The following STPG2 variants were observed in gnomAD, a reference collection of about 807,000 sequenced individuals.
STPG2 encodes the protein sperm-tail PG-rich repeat-containing protein 2.
A neutral mutation model predicts 54.2 loss-of-function variants in STPG2; 56 were observed. The ratio of observed to expected loss-of-function variants is 1.03; its 90% CI spans 0.83 to 1.29. The LOEUF (loss-of-function observed/expected upper bound fraction) is 1.29. Ranked by LOEUF, STPG2 falls within the 50% of genes most tolerant of loss-of-function variation. The pLI is 0.00. For synonymous variants in STPG2, 200 were observed against 181.8 expected (o/e 1.10, Z -0.81); for missense variants, 596 against 544.9 (o/e 1.09, Z -0.93).
intron 7 of STPG2, among the ~76,000 whole-genome samples, chr4:97,964,999 G>T: frequency 6.6e-6 from 1 of 152,172 alleles, no homozygotes; most frequent in East Asian, 1.9e-4. Flanking sequence ...TGGACAGTGG[G>T]TGCAGCCCAC....
chr4:97,926,915 A>C (rs1270667672), intron 8 of STPG2, among the ~76,000 whole-genome samples: 4 of 152,084 alleles, frequency 2.6e-5, no homozygotes, highest in Admixed American at 1.3e-4. Flanking sequence ...AGCCTACTAT[A>C]GGCAACACAG....
At chr4:97,598,324 T>C (rs912026181) in intron 10 of STPG2, among the ~76,000 whole-genome samples, 5 of 152,120 alleles carry the variant, frequency 3.3e-5, no homozygotes, top group Non-Finnish European at 7.4e-5. Context: ...AAGCAGTTTA[T>C]AGATTCAACA....
At chr4:97,674,537 C>T (rs1722784236) in intron 10 of STPG2, among the ~76,000 whole-genome samples, 1 of 152,050 alleles carries the variant, frequency 6.6e-6, no homozygotes, top group South Asian at 2.1e-4. Flanking sequence ...CACTGTTAAA[C>T]AGAACAGCAT....
chr4:97,662,995 T>A (rs1211479146), intron 10 of STPG2, among the ~76,000 whole-genome samples: 1 of 151,966 alleles, frequency 6.6e-6, no homozygotes, highest in Non-Finnish European at 1.5e-5. Context: ...TGAAGAAAAA[T>A]TTATCTTTTA....
chr4:97,563,767 C>G (rs570022919), intron 10 of STPG2, among the ~76,000 whole-genome samples: 1 of 152,248 alleles, frequency 6.6e-6, no homozygotes, highest in African/African-American at 2.4e-5. Context: ...GTTTCTTAAT[C>G]CTGAGTTCTG....
chr4:97,909,844 G>C (rs908269189), intron 8 of STPG2, among the ~76,000 whole-genome samples: 2 of 152,018 alleles, frequency 1.3e-5, no homozygotes, highest in Admixed American at 1.3e-4. Flanking sequence ...ACAGTATAGT[G>C]AATTATTAAA....
chr4:97,543,651 G>C (rs1210183507), intron 4 of STPG2, among the ~76,000 whole-genome samples: 1 of 151,992 alleles, frequency 6.6e-6, no homozygotes, highest in East Asian at 1.9e-4. Flanking sequence ...AGATTTATGT[G>C]ATAATCAAAA....
chr4:97,974,701 G>A (rs1340976745), intron 6 of STPG2, among the ~76,000 whole-genome samples: 1 of 152,170 alleles, frequency 6.6e-6, no homozygotes, highest in Non-Finnish European at 1.5e-5. Context: ...GCTGCCATGT[G>A]AGATGTGCCT....
intron 9 of STPG2, among the ~76,000 whole-genome samples, chr4:97,750,690 A>G (rs1453939830): frequency 6.6e-6 from 1 of 151,766 alleles, no homozygotes; most frequent in Non-Finnish European, 1.5e-5. Flanking sequence ...ACTTCAGAAC[A>G]ATATTTTAGG....
chr4:97,845,658 G>A (rs1228331325), intron 8 of STPG2, among the ~76,000 whole-genome samples: 32 of 152,230 alleles, frequency 2.1e-4, no homozygotes, highest in Admixed American at 2.1e-3. Context: ...CTACACCAAT[G>A]AGTAAGTCTT....
intron 8 of STPG2, among the ~76,000 whole-genome samples, chr4:97,841,949 C>T (rs1338637591): frequency 6.6e-6 from 1 of 151,710 alleles, no homozygotes. Context: ...AATTTCAATG[C>T]AAAAACAAAG....
intron 9 of STPG2, among the ~76,000 whole-genome samples, chr4:97,820,401 C>T (rs746939385): frequency 1.3e-5 from 2 of 149,850 alleles, no homozygotes; most frequent in Non-Finnish European, 3.0e-5. Context: ...GGGTCTCTCA[C>T]TTTAAATTAA....
chr4:97,958,130 T>C (rs1733750157), intron 7 of STPG2, among the ~76,000 whole-genome samples: 1 of 151,940 alleles, frequency 6.6e-6, no homozygotes, highest in South Asian at 2.1e-4. Context: ...GCCAACATGG[T>C]AAAACCCTGT....
At position 97,899,071 on chromosome 4, in the gene STPG2, C is replaced by G. The variant is rs1731068608; in HGVS notation, c.1044+44826G>C. Among the ~76,000 whole-genome samples, 3 of 151,694 alleles carry G rather than the reference C, an allele frequency of 2.0e-5. No homozygotes were observed. In the South Asian group the frequency reaches 6.2e-4, roughly 31 times the overall value. On this transcript the variant is annotated intron_variant, in intron 8 of 10. Transcript: ENST00000295268. ...ATTACATGATTCTGGATCTAGAAAACCCCATAATCTCAGCCCAAAAGCTCC... is the reference window on the plus strand; with the variant it reads ...ATTACATGATTCTGGATCTAGAAAAGCCCATAATCTCAGCCCAAAAGCTCC...
intron 4 of STPG2, among the ~76,000 whole-genome samples, chr4:97,513,534 C>T (rs1731015302): frequency 1.3e-5 from 2 of 152,226 alleles, no homozygotes; most frequent in Admixed American, 6.5e-5. Flanking sequence ...ATCTCATTCA[C>T]ATACAGAAGA....
chr4:97,910,527 A>G (rs556837152), intron 8 of STPG2, among the ~76,000 whole-genome samples: 2 of 152,222 alleles, frequency 1.3e-5, no homozygotes, highest in African/African-American at 4.8e-5. Flanking sequence ...TTAAGCACCA[A>G]ATTGACATCT....
intron 5 of STPG2, chr4:98,025,702 C>T (rs1349105409): frequency 7.4e-7 from 1 of 1,344,856 alleles, no homozygotes; most frequent in Non-Finnish European, 1.1e-6. Context: ...TCCTGCTGGC[C>T]TGCAGGCTAC....
chr4:97,798,207 T>A (rs185725889), intron 9 of STPG2, among the ~76,000 whole-genome samples: 1 of 152,366 alleles, frequency 6.6e-6, no homozygotes, highest in Admixed American at 6.5e-5. Context: ...ATCTTAGTTA[T>A]TTCTTGCCTT....
intron 4 of STPG2, among the ~76,000 whole-genome samples, chr4:97,479,905 G>A (rs1280156109): frequency 2.6e-5 from 4 of 151,776 alleles, no homozygotes; most frequent in African/African-American, 9.7e-5. Flanking sequence ...TAGCAGTAAT[G>A]GATAATTTGT....
Sources: gnomAD v4.1 joint callset for allele counts (sites outside exome capture counted in the v4.1 genomes callset) on GRCh38, gnomAD v4.1.1 for gene constraint, MANE v1.5 for transcripts, NCBI Gene and HGNC (gene_info 2026-07-23, HGNC 2026-07-21) for gene names.